MAN1C1: variants seen among roughly 807,000 people sequenced by gnomAD.
MAN1C1 encodes the protein mannosidase alpha class 1C member 1, also known as mannosyl-oligosaccharide 1,2-alpha-mannosidase IC.
MAN1C1 carries 49 observed loss-of-function variants against 71.5 expected under a neutral mutation model. The observed-to-expected ratio is 0.69, with a 90% confidence interval of 0.54 to 0.87. The LOEUF (loss-of-function observed/expected upper bound fraction) is 0.87. MAN1C1 is among the 40% of genes least tolerant of loss of function. The pLI is 0.00. For synonymous variants in MAN1C1, 352 were observed against 343.7 expected (o/e 1.02, Z -0.27); for missense variants, 743 against 835.0 (o/e 0.89, Z 1.36).
Position 25,667,576 on chromosome 1 carries a change from G to A in MAN1C1, c.541-18864G>A, listed in dbSNP as rs534048949. ...CTCTCTGTCCCCATTAGTTCATCAC[G>A]ATTACAGCCTTTTGATTTTCATAGT... On this transcript the variant is annotated intron_variant, in intron 1 of 11. Transcript: ENST00000374332. Among the ~76,000 whole-genome samples, 9 of 151,124 alleles carry A rather than the reference G, an allele frequency of 6.0e-5. No individual in the cohort carries two copies. The East Asian group carries it at 1.4e-3, about 23-fold the overall frequency.
At position 25,763,888 on chromosome 1, in the gene MAN1C1, C is replaced by T; in HGVS notation, c.1062C>T (p.Arg354=). 6.2e-7 allele frequency: 1 copy of T among 1,613,882 alleles called. No homozygotes were observed. Among genetic ancestry groups the T allele is most frequent in the Non-Finnish European group, 8.5e-7 (1 of 1,179,998 alleles). The change falls in exon 7 of 12, where the codon CGC becomes CGT. Residue 354 remains arginine (R), a synonymous_variant. Transcript: ENST00000374332. ...TCTCTCGGCAGGTCAGGAACATCCG[C>T]AAGGTCCTCAGGAAGATCGAAAAGC... is the stretch of plus-strand genomic sequence containing the variant. ...QVFAEKVRNI[R]KVLRKIEKPF...
At chr1:25,699,454 G>T (rs1334329299) in intron 2 of MAN1C1, among the ~76,000 whole-genome samples, 4 of 152,096 alleles carry the variant, frequency 2.6e-5, no homozygotes, top group African/African-American at 4.8e-5. Context: ...CTGGGTGGGG[G>T]CCATGGTAAG....
At chr1:25,750,795 G>T (rs776961964) in intron 4 of MAN1C1, among the ~76,000 whole-genome samples, 35 of 152,196 alleles carry the variant, frequency 2.3e-4, no homozygotes, top group Non-Finnish European at 4.7e-4. Context: ...AGCAGAAAAA[G>T]CATCTGTGTT....
At chr1:25,672,031 T>G (rs2046000025) in intron 1 of MAN1C1, among the ~76,000 whole-genome samples, 1 of 152,152 alleles carries the variant, frequency 6.6e-6, no homozygotes, top group Non-Finnish European at 1.5e-5. Context: ...CATGGCTCAG[T>G]CCAAGCCCAA....
chr1:25,766,524 G>A (rs2047429411), intron 7 of MAN1C1, among the ~76,000 whole-genome samples: 1 of 152,120 alleles, frequency 6.6e-6, no homozygotes, highest in Non-Finnish European at 1.5e-5. Context: ...CTAGAGAAAC[G>A]AAGGAGGAGT....
chr1:25,782,087 G>GA lies in MAN1C1; in HGVS notation c.1651-489dup, dbSNP rs1024813339. 1.0e-4 allele frequency among the ~76,000 whole-genome samples: 15 copies of GA among 150,450 alleles called. No homozygotes were observed. The highest frequency in any genetic ancestry group is 2.2e-4 in the African/African-American group (9 of 41,022). ...GCGACAAAATGAGACCTTGTCTCAAGAAAAAAAAATGCATTTATATAGAAA... is the reference window on the plus strand; with the variant it reads ...GCGACAAAATGAGACCTTGTCTCAAGAAAAAAAAAATGCATTTATATAGAAA... On this transcript the variant is annotated intron_variant, in intron 10 of 11. Coordinates refer to ENST00000374332, the MANE Select transcript of MAN1C1 (RefSeq NM_020379.4). The surrounding 1 kb of genome is among the most constrained non-coding windows in gnomAD (Gnocchi z 4.4).
rs2047669136 is a variant in MAN1C1 at position 25,779,739 on chromosome 1, A to C, written c.1478-1201A>C. Among the ~76,000 whole-genome samples, 1 of 152,208 alleles carries C rather than the reference A, an allele frequency of 6.6e-6. No individual in the cohort carries two copies. The highest frequency in any genetic ancestry group is 1.5e-5 in the Non-Finnish European group (1 of 68,040). Reference sequence around the variant, plus strand: ...CCAGGAGCCGCTACACCATTTGAAAAGGTTAGAGAGGCTAGGGTCTAGCTA... The same window carrying C: ...CCAGGAGCCGCTACACCATTTGAAACGGTTAGAGAGGCTAGGGTCTAGCTA... On this transcript the variant is annotated intron_variant, in intron 9 of 11. Transcript: ENST00000374332. The surrounding 1 kb of genome is among the most constrained non-coding windows in gnomAD (Gnocchi z 4.6).
Position 25,784,013 on chromosome 1 carries a change from C to T in MAN1C1, c.*224C>T, listed in dbSNP as rs577203190. 195 of 488,558 alleles carry T rather than the reference C, an allele frequency of 4.0e-4. 2 individuals carry two copies. The highest frequency in any genetic ancestry group is 5.6e-4 in the Non-Finnish European group (160 of 285,476). 30.3% of individuals were successfully genotyped at this position (488,558 alleles called of 1,614,324 possible). A position where few individuals can be genotyped will look rare whatever the true frequency, so the allele number is the denominator to read the frequency against. On this transcript the variant is annotated 3_prime_UTR_variant, in exon 12 of 12. Coordinates refer to ENST00000374332, the MANE Select transcript of MAN1C1 (RefSeq NM_020379.4). ...ACACTGGCCCACACATTCCTTTCTACAGAGAATTTCTATGAAGCCCACTCA... is the reference window on the plus strand; with the variant it reads ...ACACTGGCCCACACATTCCTTTCTATAGAGAATTTCTATGAAGCCCACTCA...
At chr1:25,662,036 C>T (rs1279690010) in intron 1 of MAN1C1, among the ~76,000 whole-genome samples, 1 of 152,208 alleles carries the variant, frequency 6.6e-6, no homozygotes, top group Non-Finnish European at 1.5e-5. Flanking sequence ...CCCCATCTCT[C>T]TGGAGTCATC....
At chr1:25,770,956 C>G (rs1481077185) in intron 7 of MAN1C1, among the ~76,000 whole-genome samples, 1 of 152,194 alleles carries the variant, frequency 6.6e-6, no homozygotes, top group Admixed American at 6.5e-5. Flanking sequence ...TGTCTTGCGT[C>G]TGCGGTGAAG....
At chr1:25,675,592 G>GT (rs1491495154) in intron 1 of MAN1C1, among the ~76,000 whole-genome samples, 45 of 143,984 alleles carry the variant, frequency 3.1e-4, no homozygotes, top group African/African-American at 1.1e-3. Context: ...TGCGGGGGGG[G>GT]GGGGAGGTGG....
At chr1:25,638,650 T>C (rs1248585682) in intron 1 of MAN1C1, among the ~76,000 whole-genome samples, 3 of 152,140 alleles carry the variant, frequency 2.0e-5, no homozygotes, top group Non-Finnish European at 4.4e-5. Flanking sequence ...AGGGTATTTT[T>C]GCTGGATATA....
At chr1:25,766,732 C>T (rs1008352434) in intron 7 of MAN1C1, among the ~76,000 whole-genome samples, 26 of 152,230 alleles carry the variant, frequency 1.7e-4, no homozygotes, top group African/African-American at 6.0e-4. Context: ...TGAGAGCTGC[C>T]GAGGAGGGGT....
intron 8 of MAN1C1, among the ~76,000 whole-genome samples, chr1:25,772,876 G>A (rs1218167896): frequency 6.6e-6 from 1 of 152,022 alleles, no homozygotes; most frequent in Non-Finnish European, 1.5e-5. Flanking sequence ...AGACACCCCA[G>A]GCGACTCCCA....
intron 1 of MAN1C1, among the ~76,000 whole-genome samples, chr1:25,624,202 C>T (rs1302665188): frequency 3.9e-5 from 6 of 152,134 alleles, no homozygotes; most frequent in African/African-American, 1.4e-4. Flanking sequence ...GAACTTAGGC[C>T]CCTCCGTCTT....
intron 2 of MAN1C1, among the ~76,000 whole-genome samples, chr1:25,740,424 T>TGTTGTTGTTGTTGTTGTTGTC (rs2047045058): frequency 6.7e-6 from 1 of 150,298 alleles, no homozygotes; most frequent in Non-Finnish European, 1.5e-5. Flanking sequence ...GAATTTTTGT[T>TGTTGTTGTTGTTGTTGTTGTC]GTTGTTGTTG....
chr1:25,763,907 G>T lies in MAN1C1; in HGVS notation c.1081G>T (p.Glu361Ter). Reference protein sequence around the residue: ...RNIRKVLRKIEKPFGLYPNFL... With the variant: ...RNIRKVLRKI ...CATCCGCAAGGTCCTCAGGAAGATC[G>T]AAAAGCCCTTTGGCCTCTACCCCAA... The change falls in exon 7 of 12, where the codon GAA (glutamate) becomes TAA (stop). Residue 361 changes from glutamate (E) to a stop codon, truncating the protein, a stop_gained. Coordinates refer to ENST00000374332, the MANE Select transcript of MAN1C1 (RefSeq NM_020379.4). LOFTEE classifies it high-confidence loss of function. 6.2e-7 allele frequency: 1 copy of T among 1,613,930 alleles called. No homozygotes were observed. The highest frequency in any genetic ancestry group is 8.5e-7 in the Non-Finnish European group (1 of 1,180,016).
intron 1 of MAN1C1, among the ~76,000 whole-genome samples, chr1:25,654,760 C>T (rs889783263): frequency 1.8e-3 from 274 of 152,194 alleles, no homozygotes; most frequent in Non-Finnish European, 2.0e-3. Flanking sequence ...CATTCTCCTG[C>T]CTCAGCCTCC....
intron 2 of MAN1C1, among the ~76,000 whole-genome samples, chr1:25,728,032 G>A (rs1488903686): frequency 6.6e-6 from 1 of 152,266 alleles, no homozygotes; most frequent in Non-Finnish European, 1.5e-5. Context: ...TTATCAGAGA[G>A]AGGCTGGGAG....
Sources: gnomAD v4.1 joint callset for allele counts (sites outside exome capture counted in the v4.1 genomes callset) on GRCh38, gnomAD v4.1.1 for gene constraint, Gnocchi (gnomAD v3.1) non-coding constraint, MANE v1.5 for transcripts, NCBI Gene and HGNC (gene_info 2026-07-23, HGNC 2026-07-21) for gene names.